The following SEMA5A variants were observed in gnomAD, a reference collection of about 807,000 sequenced individuals.
The protein encoded by SEMA5A is semaphorin-5A.
SEMA5A carries 55 observed loss-of-function variants against 135.5 expected under a neutral mutation model. The observed-to-expected ratio is 0.41, with a 90% CI of 0.33 to 0.51. The LOEUF is 0.51. Among genes scored for constraint, SEMA5A ranks in the 20% least tolerant of loss-of-function variants. SEMA5A has a pLI of 0.37. For synonymous variants in SEMA5A, 580 were observed against 546.5 expected, an observed-to-expected ratio of 1.06 and a Z score of -0.85; for missense variants, 1,290 against 1,419.9, an observed-to-expected ratio of 0.91 and a Z score of 1.47.
Position 9,536,405 on chromosome 5 carries a change from G to C in SEMA5A, c.-175+9179C>G, listed in dbSNP as rs185846111. Among the ~76,000 whole-genome samples the C allele has an allele frequency of 3.4e-4, 52 of 152,152 alleles. 1 individual carries two copies. Among genetic ancestry groups the C allele is most frequent in the South Asian group, 8.3e-4 (4 of 4,814 alleles). On this transcript the variant is annotated intron_variant, in intron 1 of 22. Coordinates refer to ENST00000382496, the MANE Select transcript of SEMA5A (RefSeq NM_003966.3). ...AGGTGGGTGGATCACTTCAGCTCAG[G>C]AGTTCGAGACCAGCCTGACCAACAT...
intron 16 of SEMA5A, among the ~76,000 whole-genome samples, chr5:9,087,054 T>C (rs964265132): frequency 2.6e-5 from 4 of 152,320 alleles, no homozygotes; most frequent in East Asian, 1.9e-4. Flanking sequence ...ATCTGAAAGA[T>C]AGACGACTAA....
chr5:9,447,982 C>A (rs181330880), intron 1 of SEMA5A, among the ~76,000 whole-genome samples: 229 of 152,256 alleles, frequency 1.5e-3, no homozygotes, highest in Middle Eastern at 0.014. Flanking sequence ...ATCTAGGAGA[C>A]AACCTGATCC....
chr5:9,459,529 C>A (rs1007839675), intron 1 of SEMA5A, among the ~76,000 whole-genome samples: 1 of 152,214 alleles, frequency 6.6e-6, no homozygotes, highest in Non-Finnish European at 1.5e-5. Context: ...ATTCTGCCTA[C>A]AGCCCAAGTG....
chr5:9,102,032 T>A (rs536524534), intron 16 of SEMA5A, among the ~76,000 whole-genome samples: 8 of 152,322 alleles, frequency 5.3e-5, no homozygotes, highest in African/African-American at 1.9e-4. Flanking sequence ...ACTTTTCATA[T>A]ATCTCTTCAT....
At chr5:9,043,693 G>A (rs1420402983) in intron 22 of SEMA5A, among the ~76,000 whole-genome samples, 1 of 152,204 alleles carries the variant, frequency 6.6e-6, no homozygotes, top group Non-Finnish European at 1.5e-5. Flanking sequence ...TCAGACAAAT[G>A]TTCTAGAAGG....
chr5:9,219,586 G>T (rs1344093716), intron 8 of SEMA5A, among the ~76,000 whole-genome samples: 1 of 152,184 alleles, frequency 6.6e-6, no homozygotes, highest in Admixed American at 6.5e-5. Context: ...AACAGGCATG[G>T]ACAGAGGGAA....
chr5:9,405,833 G>A (rs1756863437), intron 2 of SEMA5A, among the ~76,000 whole-genome samples: 1 of 152,126 alleles, frequency 6.6e-6, no homozygotes, highest in Non-Finnish European at 1.5e-5. Flanking sequence ...GGCATATGCA[G>A]GTAAACGATG....
intron 21 of SEMA5A, among the ~76,000 whole-genome samples, chr5:9,050,131 C>T (rs1736484561): frequency 6.6e-6 from 1 of 152,156 alleles, no homozygotes; most frequent in Non-Finnish European, 1.5e-5. Context: ...GGTCCTGATT[C>T]TGTGGATCAA....
Position 9,062,948 on chromosome 5 carries a change from C to G in SEMA5A, c.2457G>C (p.Gly819=). Residue 819 remains glycine (G), a synonymous_variant, in exon 18 of 23, where the codon GGG becomes GGC. Coordinates refer to ENST00000382496, the MANE Select transcript of SEMA5A (RefSeq NM_003966.3). ...RVCNNPEPKY[G]GMPCLGPSLE... is the part of the protein sequence containing the mutation. ...GAGATGGGCCAAGGCAAGGCATTCC[C>G]CCATACTTGGGTTCGGGGTTGTTGC... 3 of 1,614,220 alleles carry G rather than the reference C, an allele frequency of 1.9e-6. No individual in the cohort carries two copies. The highest frequency in any genetic ancestry group is 2.5e-6 in the Non-Finnish European group (3 of 1,180,028).
intron 4 of SEMA5A, among the ~76,000 whole-genome samples, chr5:9,329,797 C>T (rs947336058): frequency 2.0e-5 from 3 of 152,130 alleles, no homozygotes; most frequent in African/African-American, 7.2e-5. Flanking sequence ...TCCAAGACCA[C>T]CTCGAGTGCC....
Position 9,044,567 on chromosome 5 carries a change from T to G in SEMA5A, c.2911A>C (p.Met971Leu). The stretch of plus-strand genomic sequence containing the variant: ...GAGCTGCTCAGCCCCACGGCGATCA[T>G]GTGGAACATGTTGAACTCTAGGGAG... ...KRCGEFNMFH[M>L]IAVGLSSSIL... The change falls in exon 22 of 23, where the codon ATG (methionine) becomes CTG (leucine). Residue 971 changes from methionine (M) to leucine (L), a missense_variant. Physicochemically the swap from Met to Leu is conservative, Grantham distance 15. Coordinates refer to ENST00000382496, the MANE Select transcript of SEMA5A (RefSeq NM_003966.3). The G allele has an allele frequency of 6.2e-7, 1 of 1,614,036 alleles. No homozygotes were observed. Among genetic ancestry groups the G allele is most frequent in the Non-Finnish European group, 8.5e-7 (1 of 1,180,004 alleles).
In SEMA5A at chr5:9,108,121, T is replaced by G. The variant is rs368224091; in HGVS notation, c.2073+19A>C. On this transcript the variant is annotated intron_variant, in intron 16 of 22. Transcript: ENST00000382496. ...CTGGTTCTGGATTGTGGGCTGGGTG[T>G]GAGAAGAAGGCTACTCACCACATTG... 34 of 1,611,022 alleles carry G rather than the reference T, an allele frequency of 2.1e-5. No homozygotes were observed. The African/African-American group carries it at 4.4e-4, about 21-fold the overall frequency.
intron 13 of SEMA5A, among the ~76,000 whole-genome samples, chr5:9,123,258 CAAAAAAAAAAAAAA>C (rs57533658): frequency 3.5e-3 from 135 of 38,922 alleles, no homozygotes; most frequent in Non-Finnish European, 6.5e-3. Flanking sequence ...GACTCCGCCT[CAAAAAAAAAAAAAA>C]AAAAAAAAAA....
intron 5 of SEMA5A, among the ~76,000 whole-genome samples, chr5:9,266,553 C>G (rs1041166528): frequency 1.3e-5 from 2 of 152,082 alleles, no homozygotes; most frequent in Non-Finnish European, 2.9e-5. Flanking sequence ...TATCTGGTCC[C>G]GTAAGATAGT....
chr5:9,153,686 T>C (rs1299326470), intron 12 of SEMA5A, among the ~76,000 whole-genome samples: 1 of 151,992 alleles, frequency 6.6e-6, no homozygotes, highest in Non-Finnish European at 1.5e-5. Context: ...GTTATCAGCA[T>C]ATGAGCTGTG....
intron 5 of SEMA5A, among the ~76,000 whole-genome samples, chr5:9,300,173 A>C (rs1273253849): frequency 3.3e-5 from 5 of 152,030 alleles, no homozygotes; most frequent in African/African-American, 1.2e-4. Context: ...ACCTACAGGC[A>C]CACCCCACCA....
At chr5:9,045,344 A>T (rs1298883690) in intron 21 of SEMA5A, among the ~76,000 whole-genome samples, 1 of 152,198 alleles carries the variant, frequency 6.6e-6, no homozygotes, top group East Asian at 1.9e-4. Flanking sequence ...TTTCTAATCT[A>T]CTGCTCGCCT....
intron 3 of SEMA5A, among the ~76,000 whole-genome samples, chr5:9,339,948 T>C (rs932674702): frequency 4.6e-5 from 7 of 152,158 alleles, no homozygotes; most frequent in African/African-American, 1.7e-4. Flanking sequence ...GTGGGATCAC[T>C]GATTAGAGAT....
intron 12 of SEMA5A, among the ~76,000 whole-genome samples, chr5:9,145,823 T>G (rs1742303912): frequency 6.6e-6 from 1 of 151,336 alleles, no homozygotes; most frequent in African/African-American, 2.4e-5. Context: ...TTTTGTATTT[T>G]TAGCAGAGAT....
Sources: gnomAD v4.1 joint callset for allele counts (sites outside exome capture counted in the v4.1 genomes callset) on GRCh38, gnomAD v4.1.1 for gene constraint, MANE v1.5 for transcripts, NCBI Gene and HGNC (gene_info 2026-07-23, HGNC 2026-07-21) for gene names.